Variants in ZFHX3 observed in about 807,000 individuals in gnomAD.
The protein encoded by ZFHX3 is zinc finger homeobox protein 3.
A neutral mutation model predicts 279.1 loss-of-function variants in ZFHX3; 42 were observed. The observed-to-expected ratio is 0.15, with a 90% CI of 0.12 to 0.19. The LOEUF is 0.19. Among genes scored for constraint, ZFHX3 ranks in the 10% least tolerant of loss-of-function variants. The probability of loss-of-function intolerance (pLI) is 1.00; values close to 1 mark genes in which losing one functional copy is unlikely to be tolerated. For missense variants in ZFHX3, 4,981 were observed against 4,754.0 expected, an observed-to-expected ratio of 1.05 and a Z score of -1.40; for synonymous variants, 2,293 against 1,957.8, an observed-to-expected ratio of 1.17 and a Z score of -4.52.
intron 4 of ZFHX3, among the ~76,000 whole-genome samples, chr16:72,887,384 A>G (rs1379886465): frequency 6.6e-6 from 1 of 152,188 alleles, no homozygotes; most frequent in Non-Finnish European, 1.5e-5. Flanking sequence ...AGGTAAATGA[A>G]ATTATAAAAC....
At chr16:73,423,723 G>A (rs531838251) in intron 3 of ZFHX3, among the ~76,000 whole-genome samples, 9 of 152,196 alleles carry the variant, frequency 5.9e-5, no homozygotes, top group African/African-American at 1.4e-4. Flanking sequence ...TTAGCCAGGC[G>A]CAGTGGTGCA....
At chr16:73,047,380 C>A (rs1965335343) in intron 1 of ZFHX3, among the ~76,000 whole-genome samples, 1 of 152,174 alleles carries the variant, frequency 6.6e-6, no homozygotes, top group Admixed American at 6.5e-5. Flanking sequence ...CACATTGTTT[C>A]GAACTGACCA....
chr16:73,342,595 T>G (rs1368093136), intron 3 of ZFHX3, among the ~76,000 whole-genome samples: 1 of 152,148 alleles, frequency 6.6e-6, no homozygotes, highest in Admixed American at 6.5e-5. Context: ...TCTCTATTTT[T>G]TATAAGAAAG....
At chr16:73,375,579 T>C (rs1017118901) in intron 3 of ZFHX3, among the ~76,000 whole-genome samples, 4 of 152,194 alleles carry the variant, frequency 2.6e-5, no homozygotes, top group African/African-American at 9.7e-5. Context: ...TTTAGAGATA[T>C]TTAAGATAAA....
intron 2 of ZFHX3, among the ~76,000 whole-genome samples, chr16:73,641,007 G>T (rs961782055): frequency 2.0e-5 from 3 of 152,188 alleles, no homozygotes; most frequent in African/African-American, 7.2e-5. Context: ...CTTCTCAGCA[G>T]CGGCACTGGA....
intron 4 of ZFHX3, among the ~76,000 whole-genome samples, chr16:73,272,476 G>A (rs994849273): frequency 6.6e-6 from 1 of 152,134 alleles, no homozygotes; most frequent in Non-Finnish European, 1.5e-5. Flanking sequence ...ATAGAAGGAA[G>A]GAAGAGAAAA....
intron 5 of ZFHX3, among the ~76,000 whole-genome samples, chr16:73,176,715 C>G (rs7184728): frequency 6.6e-6 from 1 of 150,586 alleles, no homozygotes; most frequent in Non-Finnish European, 1.5e-5. Context: ...TGGGAAGGAA[C>G]GTGGCAGTGT....
chr16:73,523,621 GT>G (rs3087040), intron 2 of ZFHX3, among the ~76,000 whole-genome samples: 41,592 of 144,004 alleles, frequency 0.29, 6,302 homozygotes, highest in African/African-American at 0.4. Flanking sequence ...TGGAAGCTGG[GT>G]TTTTTTTTTT....
chr16:72,959,042 A>G lies in ZFHX3; in HGVS notation c.1104T>C (p.Phe368=), dbSNP rs762512258. 4 of 1,613,836 alleles carry G rather than the reference A, an allele frequency of 2.5e-6. No individual in the cohort carries two copies. The highest frequency in any genetic ancestry group is 3.3e-5 in the Admixed American group (2 of 59,946). ...IGPGHSFYGK[F]SGIRMEGEEA... is the part of the protein sequence containing the mutation. ...CCTCCCCTTCCATTCGAATGCCACT[A>G]AATTTACCATAAAAACTGTGTCCGG... Residue 368 remains phenylalanine (F), a synonymous_variant, in exon 2 of 10, where the codon TTT becomes TTC. Transcript: ENST00000268489.
chr16:73,267,338 A>G (rs1175227951), intron 4 of ZFHX3, among the ~76,000 whole-genome samples: 1 of 152,042 alleles, frequency 6.6e-6, no homozygotes, highest in Admixed American at 6.6e-5. Context: ...CAGGAAACAC[A>G]AGGCTTCAAA....
chr16:73,557,383 A>G (rs2020303533), intron 2 of ZFHX3, among the ~76,000 whole-genome samples: 1 of 152,184 alleles, frequency 6.6e-6, no homozygotes, highest in South Asian at 2.1e-4. Context: ...TGGATCTCAC[A>G]CAAGAAAGAA....
intron 2 of ZFHX3, among the ~76,000 whole-genome samples, chr16:73,510,070 G>A (rs1276387907): frequency 6.6e-6 from 1 of 152,126 alleles, no homozygotes; most frequent in African/African-American, 2.4e-5. Context: ...ATCGAATGCT[G>A]TTTTCCTATG....
chr16:73,351,881 T>C (rs866224896), intron 3 of ZFHX3, among the ~76,000 whole-genome samples: 21 of 152,200 alleles, frequency 1.4e-4, no homozygotes, highest in African/African-American at 4.6e-4. Context: ...CTGTCAAATG[T>C]AGTATGACCT....
chr16:73,236,152 A>G (rs1265929805), intron 5 of ZFHX3, among the ~76,000 whole-genome samples: 2 of 152,240 alleles, frequency 1.3e-5, no homozygotes, highest in African/African-American at 2.4e-5. Context: ...AGGACACGGC[A>G]TACGTCAAGG....
At chr16:72,982,557 G>A (rs1962657173) in intron 1 of ZFHX3, among the ~76,000 whole-genome samples, 1 of 152,222 alleles carries the variant, frequency 6.6e-6, no homozygotes. Context: ...ACCCAAAGGA[G>A]GTATTTTCAT....
chr16:72,871,631 C>T (rs899650989), intron 4 of ZFHX3, among the ~76,000 whole-genome samples: 3 of 150,998 alleles, frequency 2.0e-5, no homozygotes, highest in Non-Finnish European at 4.4e-5. Context: ...TGAGCCACCA[C>T]ACCTGGCCTT....
At chr16:73,690,781 C>T (rs950084855) in intron 1 of ZFHX3, among the ~76,000 whole-genome samples, 2 of 152,222 alleles carry the variant, frequency 1.3e-5, no homozygotes, top group African/African-American at 2.4e-5. Flanking sequence ...GTGGCCCAGC[C>T]AACAGCCATC....
intron 3 of ZFHX3, among the ~76,000 whole-genome samples, chr16:73,413,918 A>G (rs1387969790): frequency 6.6e-6 from 1 of 152,258 alleles, no homozygotes; most frequent in Non-Finnish European, 1.5e-5. Context: ...AGAATGAAGG[A>G]TACTTTAAGA....
intron 4 of ZFHX3, among the ~76,000 whole-genome samples, chr16:73,271,217 C>A (rs906645176): frequency 1.3e-5 from 2 of 152,168 alleles, no homozygotes; most frequent in Admixed American, 6.5e-5. Context: ...CGGGAAAGAG[C>A]CCAGTCATGT....
Sources: gnomAD v4.1 joint callset for allele counts (sites outside exome capture counted in the v4.1 genomes callset) on GRCh38, gnomAD v4.1.1 for gene constraint, MANE v1.5 for transcripts, NCBI Gene and HGNC (gene_info 2026-07-23, HGNC 2026-07-21) for gene names.